The following PREP variants were observed in gnomAD, a reference collection of about 807,000 sequenced individuals.
The protein encoded by PREP is dJ355L5.1 (prolyl endopeptidase).
Under a neutral mutation model 87.6 loss-of-function variants are expected in PREP, and 29 were observed. The ratio of observed to expected loss-of-function variants is 0.33; its 90% CI spans 0.25 to 0.45. PREP has a LOEUF of 0.45. PREP is among the 20% of genes least tolerant of loss of function. PREP has a pLI of 1.00. For missense variants in PREP, 695 were observed against 886.5 expected (o/e 0.78, Z 2.74); for synonymous variants, 337 against 328.6 (o/e 1.03, Z -0.28).
At chr6:105,303,682 C>G (rs1249789007) in intron 10 of PREP, among the ~76,000 whole-genome samples, 1 of 152,206 alleles carries the variant, frequency 6.6e-6, no homozygotes, top group African/African-American at 2.4e-5. Context: ...AATGGCCATT[C>G]ATTGCATTTT....
chr6:105,282,401 AC>A, intron 13 of PREP, 49 bp downstream of exon 13: 1 of 1,568,068 alleles, frequency 6.4e-7, no homozygotes, highest in Non-Finnish European at 8.6e-7. Context: ...GTATCTGAAA[AC>A]CCCAAGAGGG....
At chr6:105,355,987 T>C (rs1772089651) in intron 6 of PREP, among the ~76,000 whole-genome samples, 1 of 152,224 alleles carries the variant, frequency 6.6e-6, no homozygotes, top group Admixed American at 6.5e-5. Flanking sequence ...TATTTTTTTA[T>C]GATAGCTTTT....
chr6:105,292,097 G>A (rs955157054), intron 10 of PREP, among the ~76,000 whole-genome samples: 1 of 152,060 alleles, frequency 6.6e-6, no homozygotes, highest in Non-Finnish European at 1.5e-5. Flanking sequence ...AATCATCCAT[G>A]AGCGTTACAA....
At chr6:105,366,034 G>A (rs1425666103) in intron 6 of PREP, among the ~76,000 whole-genome samples, 1 of 152,058 alleles carries the variant, frequency 6.6e-6, no homozygotes, top group Non-Finnish European at 1.5e-5. Flanking sequence ...GCCGGCGGAT[G>A]ACCTGAGGTC....
At chr6:105,321,909 G>A (rs1771020985) in intron 10 of PREP, among the ~76,000 whole-genome samples, 1 of 152,156 alleles carries the variant, frequency 6.6e-6, no homozygotes, top group Admixed American at 6.5e-5. Context: ...AGCTGAGAGT[G>A]TGCTCTTGAG....
intron 10 of PREP, among the ~76,000 whole-genome samples, chr6:105,319,986 A>T (rs1770963405): frequency 6.6e-6 from 1 of 152,260 alleles, no homozygotes. Flanking sequence ...GATAGGCAAC[A>T]TTTAACTATC....
intron 6 of PREP, among the ~76,000 whole-genome samples, chr6:105,363,124 C>G (rs1028792): frequency 0.14 from 21,146 of 152,030 alleles, 1,936 homozygotes; most frequent in African/African-American, 0.26. Flanking sequence ...GGAGACACAA[C>G]AGATACTAAG....
At chr6:105,317,556 G>A (rs1351285890) in intron 10 of PREP, among the ~76,000 whole-genome samples, 1 of 152,166 alleles carries the variant, frequency 6.6e-6, no homozygotes, top group Non-Finnish European at 1.5e-5. Context: ...CTAGGAAAAA[G>A]CAAAGGAGGC....
intron 1 of PREP, among the ~76,000 whole-genome samples, chr6:105,402,423 C>T (rs1773458211): frequency 6.8e-6 from 1 of 146,302 alleles, no homozygotes; most frequent in Non-Finnish European, 1.5e-5. Context: ...TGACATCACA[C>T]ACACACACAC....
At chr6:105,280,967 A>G (rs1048913836) in intron 14 of PREP, 1 of 152,184 alleles carries the variant, frequency 6.6e-6, no homozygotes, top group African/African-American at 2.4e-5. Flanking sequence ...GTATAATAAT[A>G]CCTTTTGATT....
At chr6:105,396,078 T>C (rs1773279610) in intron 2 of PREP, among the ~76,000 whole-genome samples, 1 of 152,222 alleles carries the variant, frequency 6.6e-6, no homozygotes, top group Non-Finnish European at 1.5e-5. Flanking sequence ...TCACCATTCC[T>C]AAAGATACTC....
intron 9 of PREP, among the ~76,000 whole-genome samples, chr6:105,325,217 TCAAA>T (rs924987520): frequency 2.0e-5 from 3 of 152,070 alleles, no homozygotes; most frequent in African/African-American, 2.4e-5. Context: ...GTATAAATAA[TCAAA>T]CAACAACAAC....
chr6:105,303,116 T>A (rs1453764680), intron 10 of PREP, among the ~76,000 whole-genome samples: 1 of 116,680 alleles, frequency 8.6e-6, no homozygotes, highest in Non-Finnish European at 1.8e-5. Context: ...GAAGTCCATG[T>A]ATGTATGTAT....
chr6:105,311,435 G>A (rs759566876), intron 10 of PREP, among the ~76,000 whole-genome samples: 6 of 152,018 alleles, frequency 3.9e-5, no homozygotes, highest in Non-Finnish European at 7.4e-5. Flanking sequence ...GTTCTGGGCC[G>A]CCTGTCCCCC....
chr6:105,314,832 A>G (rs1265984960), intron 10 of PREP, among the ~76,000 whole-genome samples: 2 of 152,092 alleles, frequency 1.3e-5, no homozygotes, highest in African/African-American at 4.8e-5. Context: ...AAGGGTTTCA[A>G]TTTACTCTGC....
At chr6:105,329,215 C>A (rs1771256343) in intron 8 of PREP, among the ~76,000 whole-genome samples, 189 bp from the exon 9 acceptor site, 1 of 150,828 alleles carries the variant, frequency 6.6e-6, no homozygotes, top group Non-Finnish European at 1.5e-5. Context: ...TACAGTAGTG[C>A]AATCTCAGCT....
intron 10 of PREP, among the ~76,000 whole-genome samples, chr6:105,297,831 CCT>C (rs138443766): frequency 0.025 from 3,781 of 152,262 alleles, 65 homozygotes; most frequent in Middle Eastern, 0.058. Context: ...CCTGGCACCC[CCT>C]TTCACCTTAA....
At chr6:105,327,651 G>A (rs934397888) in intron 9 of PREP, among the ~76,000 whole-genome samples, 9 of 152,202 alleles carry the variant, frequency 5.9e-5, no homozygotes, top group Admixed American at 4.6e-4. Context: ...GGCCACTTGA[G>A]CACCTGCCTT....
At chr6:105,314,993 T>A (rs921681332) in intron 10 of PREP, among the ~76,000 whole-genome samples, 1 of 152,192 alleles carries the variant, frequency 6.6e-6, no homozygotes, top group Admixed American at 6.5e-5. Context: ...CTTGGGTGAC[T>A]AGGTGCATTG....
Sources: allele counts gnomAD v4.1 joint callset (sites outside exome capture counted in the v4.1 genomes callset), GRCh38; gene constraint gnomAD v4.1.1; transcripts MANE v1.5; gene names NCBI Gene and HGNC (gene_info 2026-07-23, HGNC 2026-07-21).